USP32: variants seen among roughly 807,000 people sequenced by gnomAD.
The protein encoded by USP32 is ubiquitin carboxyl-terminal hydrolase 32.
Under a neutral mutation model 204.8 loss-of-function variants are expected in USP32, and 59 were observed. The ratio of observed to expected loss-of-function variants is 0.29; its 90% CI spans 0.23 to 0.36. The LOEUF is 0.36. Among genes scored for constraint, USP32 ranks in the 10% least tolerant of loss-of-function variants. The pLI is 1.00. For synonymous variants in USP32, 517 were observed against 678.4 expected (o/e 0.76, Z 3.70); for missense variants, 1,160 against 1,946.4 (o/e 0.60, Z 7.60).
rs916705480 is a variant in USP32, at chr17:60,391,877, C to G, written c.58+5G>C. ...GGCAGCTCGCCCAGACCCCTCCCCCCTCACCTCTCCTCAGCGCCTCCTCGT... is the reference window on the plus strand; with the variant it reads ...GGCAGCTCGCCCAGACCCCTCCCCCGTCACCTCTCCTCAGCGCCTCCTCGT... On this transcript the variant is annotated splice_donor_5th_base_variant and intron_variant, in intron 1 of 33. Coordinates refer to ENST00000300896, the MANE Select transcript of USP32 (RefSeq NM_032582.4). 2 of 1,610,248 alleles carry G rather than the reference C, an allele frequency of 1.2e-6. No homozygotes were observed. The highest frequency in any genetic ancestry group is 1.3e-5 in the African/African-American group (1 of 74,708).
At chr17:60,412,239 C>T (rs556572124) in intron 1 of USP32, among the ~76,000 whole-genome samples, 8 of 152,244 alleles carry the variant, frequency 5.3e-5, no homozygotes, top group Admixed American at 1.3e-4. Flanking sequence ...TGTGGTGGCT[C>T]ATGCCTATAA....
At position 60,403,979 on chromosome 17, in the gene USP32, G is replaced by A. The variant is rs543914260; in HGVS notation, c.106+18267C>T. 5.3e-5 allele frequency among the ~76,000 whole-genome samples: 8 copies of A among 151,204 alleles called. No homozygotes were observed. The East Asian group carries it at 9.7e-4, about 18-fold the overall frequency. On this transcript the variant is annotated intron_variant, in intron 1 of 3. Transcript: ENST00000588898. ...TTGCTTGAGCTTGGGAGTCAAGGCC[G>A]CAGTGAGCCGCGATCACACCACTGC...
At chr17:60,394,983 A>T (rs900242814), upstream of USP32, among the ~76,000 whole-genome samples, 1 of 152,296 alleles carries the variant, frequency 6.6e-6, no homozygotes, top group Admixed American at 6.5e-5. Context: ...ACCTGAGGTG[A>T]TCCACCAACC....
intron 9 of USP32, among the ~76,000 whole-genome samples, chr17:60,262,918 C>G (rs2086489131): frequency 6.6e-6 from 1 of 152,048 alleles, no homozygotes; most frequent in Admixed American, 6.6e-5. Context: ...TACATGGTTC[C>G]CTTTCTATCC....
At chr17:60,254,050 C>A (rs546696642) in intron 10 of USP32, among the ~76,000 whole-genome samples, 1 of 152,104 alleles carries the variant, frequency 6.6e-6, no homozygotes, top group Non-Finnish European at 1.5e-5. Context: ...ACAAGTTATT[C>A]TTTGTTTAAA....
chr17:60,182,270 T>G (rs888299064), intron 31 of USP32, among the ~76,000 whole-genome samples: 2 of 152,228 alleles, frequency 1.3e-5, no homozygotes, highest in African/African-American at 4.8e-5. Context: ...TGAGAACCTT[T>G]AGAACTTTTA....
intron 1 of USP32, among the ~76,000 whole-genome samples, chr17:60,345,854 T>A (rs914503372): frequency 6.6e-6 from 1 of 152,056 alleles, no homozygotes; most frequent in Admixed American, 6.6e-5. Flanking sequence ...TGGTGGTGCA[T>A]GCCTATAATC....
At chr17:60,334,134 T>A (rs944607913) in intron 2 of USP32, among the ~76,000 whole-genome samples, 2 of 152,194 alleles carry the variant, frequency 1.3e-5, no homozygotes, top group African/African-American at 4.8e-5. Flanking sequence ...TACTTGAGTT[T>A]ACTGTAAAAA....
chr17:60,232,537 A>C (rs1460386480), intron 12 of USP32, among the ~76,000 whole-genome samples: 1 of 138,752 alleles, frequency 7.2e-6, no homozygotes, highest in African/African-American at 2.8e-5. Context: ...GACTGGAAAG[A>C]GAAATTTGAT....
In USP32 at chr17:60,205,247, T is replaced by C. The variant is rs202001884; in HGVS notation, c.3249+200A>G. Among the ~76,000 whole-genome samples the C allele has an allele frequency of 3.9e-5, 6 of 152,226 alleles. No homozygotes were observed. In the East Asian group the frequency reaches 7.7e-4, roughly 20 times the overall value. ...CACTTATATTAGCATATATAATACA[T>C]TGAAAATGCATTCACAGCAACAGAT... is the stretch of plus-strand genomic sequence containing the variant. On this transcript the variant is annotated intron_variant, in intron 26 of 33. Transcript: ENST00000300896.
chr17:60,242,140 C>G (rs1407259712), intron 11 of USP32, among the ~76,000 whole-genome samples: 1 of 152,096 alleles, frequency 6.6e-6, no homozygotes, highest in Non-Finnish European at 1.5e-5. Context: ...CAGAATCTTG[C>G]TATGTTGTAC....
intron 1 of USP32, among the ~76,000 whole-genome samples, chr17:60,381,637 T>G (rs59060530): frequency 8.9e-4 from 135 of 152,226 alleles, no homozygotes; most frequent in African/African-American, 2.8e-3. Flanking sequence ...GCCCTAGTAG[T>G]TTCTATGATT....
At chr17:60,403,758 G>A (rs1310156813) in intron 1 of USP32, among the ~76,000 whole-genome samples, 1 of 152,102 alleles carries the variant, frequency 6.6e-6, no homozygotes, top group Admixed American at 6.5e-5. Context: ...CAGAAACATG[G>A]GCCGGGAGCA....
intron 9 of USP32, among the ~76,000 whole-genome samples, chr17:60,260,446 C>A (rs2086423502): frequency 6.6e-6 from 1 of 151,646 alleles, no homozygotes; most frequent in South Asian, 2.1e-4. Context: ...TCATTTGAAC[C>A]CAGGAGGCGG....
chr17:60,203,378 G>A (rs988664058), intron 26 of USP32, among the ~76,000 whole-genome samples: 1 of 131,984 alleles, frequency 7.6e-6, no homozygotes, highest in African/African-American at 3.0e-5. Flanking sequence ...TCCAGCCTGG[G>A]CGACAGAGCG....
intron 31 of USP32, among the ~76,000 whole-genome samples, chr17:60,182,022 A>G (rs1372028243): frequency 1.3e-5 from 2 of 152,244 alleles, no homozygotes; most frequent in African/African-American, 2.4e-5. Flanking sequence ...TGTCAGATTC[A>G]GTTGAAAAAA....
At chr17:60,391,141 A>G (rs1457816963) in intron 1 of USP32, among the ~76,000 whole-genome samples, 2 of 152,318 alleles carry the variant, frequency 1.3e-5, no homozygotes, top group South Asian at 2.1e-4. Flanking sequence ...GGACTTCCCA[A>G]TGCCATTTCA....
intron 29 of USP32, among the ~76,000 whole-genome samples, chr17:60,187,843 A>G (rs1053062238): frequency 1.3e-5 from 2 of 152,098 alleles, no homozygotes; most frequent in Non-Finnish European, 2.9e-5. Context: ...ACTTATAGGC[A>G]CCCTCTTCTT....
At chr17:60,226,970 G>A (rs888955042) in intron 12 of USP32, among the ~76,000 whole-genome samples, 1 of 149,970 alleles carries the variant, frequency 6.7e-6, no homozygotes, top group African/African-American at 2.5e-5. Context: ...CTTGAACCCG[G>A]GAGGTTGCAG....
Sources: allele counts gnomAD v4.1 joint callset (sites outside exome capture counted in the v4.1 genomes callset), GRCh38; gene constraint gnomAD v4.1.1; transcripts MANE v1.5; gene names NCBI Gene and HGNC (gene_info 2026-07-23, HGNC 2026-07-21).